PCDH17: variants seen among roughly 807,000 people sequenced by gnomAD.
PCDH17 encodes the protein protocadherin-17.
PCDH17 carries 21 observed loss-of-function variants against 67.7 expected under a neutral mutation model. The ratio of observed to expected loss-of-function variants is 0.31; its 90% CI spans 0.22 to 0.45. The LOEUF (loss-of-function observed/expected upper bound fraction) is 0.45. PCDH17 is among the 20% of genes least tolerant of loss of function. The pLI is 1.00. For synonymous variants in PCDH17, 701 were observed against 656.7 expected, an observed-to-expected ratio of 1.07 and a Z score of -1.03; for missense variants, 1,471 against 1,564.8, an observed-to-expected ratio of 0.94 and a Z score of 1.01.
chr13:57,669,465 C>A (rs1274064946), intron 3 of PCDH17, among the ~76,000 whole-genome samples: 1 of 151,732 alleles, frequency 6.6e-6, no homozygotes, highest in African/African-American at 2.4e-5. Flanking sequence ...TACTTCTCAT[C>A]TATATATCTC....
chr13:57,673,546 T>A (rs544761474), intron 3 of PCDH17, among the ~76,000 whole-genome samples: 4 of 152,084 alleles, frequency 2.6e-5, no homozygotes, highest in African/African-American at 7.2e-5. Context: ...CTCCTTGTAG[T>A]GGCCATATGC....
At chr13:57,652,202 C>T (rs1360314552) in intron 1 of PCDH17, among the ~76,000 whole-genome samples, 1 of 144,300 alleles carries the variant, frequency 6.9e-6, no homozygotes, top group African/African-American at 2.6e-5. Context: ...GGCGTGAACC[C>T]GGGAAGCGGA....
At chr13:57,684,886 G>A (rs1458838348) in intron 3 of PCDH17, among the ~76,000 whole-genome samples, 1 of 151,908 alleles carries the variant, frequency 6.6e-6, no homozygotes, top group Non-Finnish European at 1.5e-5. Flanking sequence ...ATGTTTGAGT[G>A]ATATGCTATC....
chr13:57,666,620 G>C, intron 2 of PCDH17, 41 bp from the exon 3 acceptor site: 1 of 1,606,984 alleles, frequency 6.2e-7, no homozygotes, highest in Non-Finnish European at 8.5e-7. Flanking sequence ...CAAACTAGTA[G>C]AGACAACACT....
chr13:57,634,726 C>T lies in PCDH17; in HGVS notation c.2180C>T (p.Ala727Val), dbSNP rs766979477. ...IILLAAMITI[A>V]VKCKRENKEI... ...CTCCTAGCGGCCATGATCACCATCG[C>T]CGTCAAGTGCAAGCGCGAGAACAAG... The change falls in exon 1 of 4, where the codon GCC (alanine) becomes GTC (valine). Residue 727 changes from alanine (A) to valine (V), a missense_variant. Transcript: ENST00000377918. This position sits in a 1 kb window ranked among gnomAD's most constrained non-coding sequence, Gnocchi z 7.8. 2 of 1,613,962 alleles carry T rather than the reference C, an allele frequency of 1.2e-6. No individual in the cohort carries two copies. Among genetic ancestry groups the T allele is most frequent in the Non-Finnish European group, 8.5e-7 (1 of 1,180,018 alleles).
upstream of PCDH17, among the ~76,000 whole-genome samples, chr13:57,631,242 T>A (rs1566210272): frequency 6.6e-6 from 1 of 152,118 alleles, no homozygotes; most frequent in Non-Finnish European, 1.5e-5. Context: ...GAGGCAGGGC[T>A]ATTGGAAGGA....
At position 57,666,448 on chromosome 13, in the gene PCDH17, T is replaced by C; in HGVS notation, c.2566-20T>C. On this transcript the variant is annotated intron_variant, in intron 1 of 3. Coordinates refer to ENST00000377918, the MANE Select transcript of PCDH17 (RefSeq NM_001040429.3). Reference sequence around the variant, plus strand: ...TGTCCAGTGTACAACTATACGTATTTTTTTCCTTCTCTTTCACAGACAGAC... The same window carrying C: ...TGTCCAGTGTACAACTATACGTATTCTTTTCCTTCTCTTTCACAGACAGAC... The C allele has an allele frequency of 1.2e-6, 2 of 1,604,522 alleles. No homozygotes were observed. The highest frequency in any genetic ancestry group is 1.7e-6 in the Non-Finnish European group (2 of 1,171,438).
intron 1 of PCDH17, among the ~76,000 whole-genome samples, chr13:57,661,645 A>C (rs1361551240): frequency 1.3e-5 from 2 of 151,974 alleles, no homozygotes; most frequent in Non-Finnish European, 2.9e-5. Flanking sequence ...AGAAAAAGAG[A>C]ATGTGTATGT....
At chr13:57,688,553 ATGTT>A (rs1249544418) in intron 3 of PCDH17, among the ~76,000 whole-genome samples, 10 of 152,178 alleles carry the variant, frequency 6.6e-5, no homozygotes, top group African/African-American at 2.4e-4. Flanking sequence ...GTGTGTGCAC[ATGTT>A]TGTTTTCAAA....
intron 3 of PCDH17, among the ~76,000 whole-genome samples, chr13:57,676,335 A>G (rs1955391013): frequency 6.6e-6 from 1 of 151,944 alleles, no homozygotes; most frequent in Non-Finnish European, 1.5e-5. Flanking sequence ...TGACTTCAGT[A>G]GCTGCCTAAA....
In PCDH17 at chr13:57,725,847, G is replaced by A. The variant is rs1955912705; in HGVS notation, c.*553G>A. On this transcript the variant is annotated 3_prime_UTR_variant, in exon 4 of 4. Coordinates refer to ENST00000377918, the MANE Select transcript of PCDH17 (RefSeq NM_001040429.3). ...ACACATATTTGTGGTAAACATTTCT[G>A]TATAAAGTTACCTGACACACATATA... 1 of 152,436 alleles carries A rather than the reference G, an allele frequency of 6.6e-6. No homozygotes were observed. Among genetic ancestry groups the A allele is most frequent in the African/African-American group, 2.4e-5 (1 of 41,352 alleles). 9.4% of individuals were successfully genotyped at this position (152,436 alleles called of 1,614,324 possible).
Position 57,725,115 on chromosome 13 carries a change from G to A in PCDH17, c.3301G>A (p.Ala1101Thr). ...TTCCGATCAGATGGCAAGGGTCTTT[G>A]CAGATGTGCATTCCAGAGCCAGCCG... ...MASDQMARVFADVHSRASRDS... is the reference protein window; with the variant it reads ...MASDQMARVFTDVHSRASRDS... Residue 1101 changes from alanine (A) to threonine (T), a missense_variant, in exon 4 of 4, where the codon GCA (alanine) becomes ACA (threonine). By Grantham distance (58) the Ala-to-Thr change is moderately conservative. This residue lies in a region of PCDH17 where 297 missense variants were observed against 298.6 expected (regional missense o/e 0.99). Transcript: ENST00000377918. 6.2e-7 allele frequency: 1 copy of A among 1,614,166 alleles called. No homozygotes were observed. The highest frequency in any genetic ancestry group is 2.2e-5 in the East Asian group (1 of 44,862).
At chr13:57,668,404 T>C (rs73205377) in intron 3 of PCDH17, among the ~76,000 whole-genome samples, 18,754 of 152,022 alleles carry the variant, frequency 0.12, 1,237 homozygotes, top group Non-Finnish European at 0.16. Flanking sequence ...ACTCTGTTAA[T>C]TTTTTAAAAA....
intron 1 of PCDH17, among the ~76,000 whole-genome samples, chr13:57,653,676 G>A (rs961742708): frequency 6.6e-6 from 1 of 152,108 alleles, no homozygotes; most frequent in African/African-American, 2.4e-5. Context: ...GGAAGTATGC[G>A]ATACAAAGGA....
chr13:57,722,198 T>A (rs1955877180), intron 3 of PCDH17, among the ~76,000 whole-genome samples: 1 of 152,168 alleles, frequency 6.6e-6, no homozygotes, highest in South Asian at 2.1e-4. Context: ...CAAGGTCGAT[T>A]TACACTTTCA....
At chr13:57,649,148 C>T (rs994380400) in intron 1 of PCDH17, among the ~76,000 whole-genome samples, 1 of 151,992 alleles carries the variant, frequency 6.6e-6, no homozygotes, top group African/African-American at 2.4e-5. Context: ...CCTTGTAATC[C>T]CATTTCACAG....
Position 57,666,473 on chromosome 13 carries a change from C to T in PCDH17, c.2571C>T (p.Asp857=). Residue 857 remains aspartate, a synonymous_variant, in exon 2 of 4, where the codon GAC becomes GAT. Transcript: ENST00000377918. ...PATRMSIIQT[D]NFPAEPNYMG... is the part of the protein sequence containing the mutation. ...TTTTTCCTTCTCTTTCACAGACAGA[C>T]AATTTTCCCGCAGAGCCCAATTACA... 1 of 1,613,492 alleles carries T rather than the reference C, an allele frequency of 6.2e-7. No homozygotes were observed. Among genetic ancestry groups the T allele is most frequent in the Non-Finnish European group, 8.5e-7 (1 of 1,179,524 alleles).
At chr13:57,679,360 CA>C (rs35349642) in intron 3 of PCDH17, among the ~76,000 whole-genome samples, 102,065 of 144,314 alleles carry the variant, frequency 0.71, 35,728 homozygotes, top group African/African-American at 0.77. Context: ...AGACTGAATA[CA>C]AAAAAAAAAA....
At chr13:57,717,905 T>A (rs866804802) in intron 3 of PCDH17, among the ~76,000 whole-genome samples, 3 of 152,012 alleles carry the variant, frequency 2.0e-5, no homozygotes, top group Admixed American at 1.3e-4. Context: ...GCTGATTTTT[T>A]AAAAAATAAT....
Sources: allele counts gnomAD v4.1 joint callset (sites outside exome capture counted in the v4.1 genomes callset), GRCh38; gene constraint gnomAD v4.1.1; regional missense constraint gnomAD v4.1.1; non-coding constraint Gnocchi (gnomAD v3.1); transcripts MANE v1.5; gene names NCBI Gene and HGNC (gene_info 2026-07-23, HGNC 2026-07-21).